DPEP1: variants seen among roughly 807,000 people sequenced by gnomAD.
The protein encoded by DPEP1 is beta-lactamase.
In DPEP1, 50 loss-of-function variants were observed where a neutral mutation model predicts 42.3. The ratio of observed to expected loss-of-function variants is 1.18; its 90% CI spans 0.94 to 1.50. The LOEUF is 1.50. DPEP1 is among the 40% of genes most tolerant of loss of function. The pLI is 0.00. For missense variants in DPEP1, 663 were observed against 553.0 expected (o/e 1.20, Z -1.99); for synonymous variants, 297 against 234.0 (o/e 1.27, Z -2.46).
chr16:89,638,575 G>A (rs1005210779), downstream of DPEP1: 4 of 888,150 alleles, frequency 4.5e-6, no homozygotes, highest in African/African-American at 7.1e-5. Flanking sequence ...TGTGAAAAGG[G>A]CTTTGTAGAG....
In DPEP1 at chr16:89,636,639, G is replaced by T; in HGVS notation, c.477G>T (p.Leu159=). 1 of 1,612,570 alleles carries T rather than the reference G, an allele frequency of 6.2e-7. No homozygotes were observed. The highest frequency in any genetic ancestry group is 2.2e-5 in the East Asian group (1 of 44,868). The stretch of plus-strand genomic sequence containing the variant: ...GCGTCCTGCGGGCACTCTATCAGCT[G>T]GGCATGCGGTACCTGACCCTCACCC... ...SLGVLRALYQ[L]GMRYLTLTHS... Residue 159 remains leucine, a synonymous_variant, in exon 5 of 11, where the codon CTG becomes CTT. Coordinates refer to ENST00000690203, the MANE Select transcript of DPEP1 (RefSeq NM_001389466.1).
At chr16:89,637,731 T>G (rs1015209283) in intron 9 of DPEP1, 24 bp downstream of exon 9, 2 of 1,612,828 alleles carry the variant, frequency 1.2e-6, no homozygotes, top group African/African-American at 2.7e-5. Context: ...AGCTCTGTCC[T>G]GTGGATGAGC....
In DPEP1 at chr16:89,632,561, C is replaced by T. The variant is rs956419929; in HGVS notation, c.104+2047C>T. Reference sequence around the variant, plus strand: ...GAACAGCTGCCTGAGTGTGTGCTTGCCGCTTTTCCAGCACTTTCCAGCACT... The same window carrying T: ...GAACAGCTGCCTGAGTGTGTGCTTGTCGCTTTTCCAGCACTTTCCAGCACT... On this transcript the variant is annotated intron_variant, in intron 2 of 10. Coordinates refer to ENST00000690203, the MANE Select transcript of DPEP1 (RefSeq NM_001389466.1). Among the ~76,000 whole-genome samples, 6 of 152,330 alleles carry T rather than the reference C, an allele frequency of 3.9e-5. No homozygotes were observed. In the East Asian group the frequency reaches 1.2e-3, roughly 29 times the overall value.
In DPEP1 at chr16:89,636,272, C is replaced by T. The variant is rs144509890; in HGVS notation, c.246C>T (p.Ser82=). The T allele has an allele frequency of 3.5e-5, 57 of 1,608,776 alleles. 1 individual carries two copies. The highest frequency in any genetic ancestry group is 1.7e-4 in the Middle Eastern group (1 of 6,020). The change falls in exon 4 of 11, where the codon TCC becomes TCT. Residue 82 remains serine (S), a synonymous_variant. Coordinates refer to ENST00000690203, the MANE Select transcript of DPEP1 (RefSeq NM_001389466.1). ...CCCCCTGCGGCCCACAGTTCTGGTC[C>T]GTGTACACGCCCTGCGACACCCAGA... is the stretch of plus-strand genomic sequence containing the variant. The part of the protein sequence containing the change: ...RAGFVGGQFW[S]VYTPCDTQNK...
chr16:89,616,772 C>T (rs986756071), intron 1 of DPEP1: 2 of 265,520 alleles, frequency 7.5e-6, no homozygotes, highest in Non-Finnish European at 7.4e-6. Flanking sequence ...CAGGAAGCGG[C>T]CAGGAAGCAG....
chr16:89,618,517 C>T (rs1012297334), intron 1 of DPEP1, among the ~76,000 whole-genome samples: 4 of 152,146 alleles, frequency 2.6e-5, no homozygotes, highest in African/African-American at 9.7e-5. Context: ...CAGGTCTGGC[C>T]TACATTATTT....
chr16:89,637,460 T>G lies in DPEP1; in HGVS notation c.769-8T>G. On this transcript the variant is annotated splice_region_variant and splice_polypyrimidine_tract_variant and intron_variant, in intron 7 of 10. Coordinates refer to ENST00000690203, the MANE Select transcript of DPEP1 (RefSeq NM_001389466.1). The stretch of plus-strand genomic sequence containing the variant: ...TCTCAGCTTCACCCTGTCTTCCTTC[T>G]TGTGCAGAAACAGACAGACAGCCTG... 6.2e-7 allele frequency: 1 copy of G among 1,612,840 alleles called. No individual in the cohort carries two copies. The highest frequency in any genetic ancestry group is 8.5e-7 in the Non-Finnish European group (1 of 1,179,972).
At chr16:89,636,077 G>T in intron 3 of DPEP1, 37 bp downstream of exon 3, 2 of 1,582,970 alleles carry the variant, frequency 1.3e-6, no homozygotes, top group Non-Finnish European at 1.7e-6. Context: ...CCCTGTGTGG[G>T]GTCATCCCGT....
downstream of DPEP1, among the ~76,000 whole-genome samples, chr16:89,641,222 G>GA (rs914096920): frequency 4.0e-5 from 1 of 25,188 alleles, no homozygotes; most frequent in African/African-American, 2.2e-4. Context: ...GAGGGCTGCG[G>GA]GGGGGGGTTG....
chr16:89,616,877 A>G, intron 1 of DPEP1: 1 of 242,642 alleles, frequency 4.1e-6, no homozygotes, highest in Non-Finnish European at 8.3e-6. Flanking sequence ...GTGGGCAGGA[A>G]GCGGCCGGGA....
intron 1 of DPEP1, among the ~76,000 whole-genome samples, chr16:89,614,153 C>G (rs2059358589): frequency 6.6e-6 from 1 of 152,012 alleles, no homozygotes; most frequent in South Asian, 2.1e-4. Context: ...GGTGGGAGAG[C>G]TGCTCTCAGA....
intron 1 of DPEP1, among the ~76,000 whole-genome samples, chr16:89,617,732 CACTTTGGGA>C (rs2059395355): frequency 2.0e-5 from 3 of 152,180 alleles, no homozygotes; most frequent in East Asian, 1.9e-4. Context: ...GTAATCCCAG[CACTTTGGGA>C]GGCCGGGCGC....
rs1294262293 is a variant in DPEP1 at position 89,634,796 on chromosome 16, TCCTTTCCCCTTCCTTC to T, written c.105-1095_105-1080del. On this transcript the variant is annotated intron_variant, in intron 2 of 10. Coordinates refer to ENST00000690203, the MANE Select transcript of DPEP1 (RefSeq NM_001389466.1). ...CCTTCCTTCTCCTTTCCCTTCCTTC[TCCTTTCCCCTTCCTTC>T]CCTTTCCCCTTCCTTCTCCTTTCCC... Among the ~76,000 whole-genome samples the T allele has an allele frequency of 4.7e-4, 6 of 12,738 alleles. 1 individual carries two copies. Among genetic ancestry groups the T allele is most frequent in the African/African-American group, 1.0e-3 (5 of 4,798 alleles). 8.4% of individuals were successfully genotyped at this position (12,738 alleles called of 152,430 possible).
At chr16:89,628,173 C>T (rs1399640701) in intron 1 of DPEP1, among the ~76,000 whole-genome samples, 11 of 152,070 alleles carry the variant, frequency 7.2e-5, no homozygotes, top group African/African-American at 1.7e-4. Context: ...CCACCCGCCT[C>T]GGCCTCCCAC....
At chr16:89,623,839 G>A (rs1411643715) in intron 1 of DPEP1, among the ~76,000 whole-genome samples, 1 of 152,152 alleles carries the variant, frequency 6.6e-6, no homozygotes, top group African/African-American at 2.4e-5. Flanking sequence ...ACGGGCGACT[G>A]GAAATTCCCT....
chr16:89,630,971 G>A lies in DPEP1; in HGVS notation c.104+457G>A, dbSNP rs1298520623. Among the ~76,000 whole-genome samples, 15 of 152,180 alleles carry A rather than the reference G, an allele frequency of 9.9e-5. 1 individual carries two copies. In the South Asian group the frequency reaches 2.9e-3, roughly 29 times the overall value. On this transcript the variant is annotated intron_variant, in intron 2 of 10. Transcript: ENST00000690203. ...ACTTCAGCGGATGAAGGTCTGCAGG[G>A]ACTGGGCAGGAAGGAGGCAAGGCCA...
At chr16:89,620,275 G>T (rs114874008) in intron 1 of DPEP1, among the ~76,000 whole-genome samples, 1,892 of 152,164 alleles carry the variant, frequency 0.012, 38 homozygotes, top group African/African-American at 0.044. Flanking sequence ...GGTGGCTGGG[G>T]TCTGCCAGTG....
At chr16:89,622,209 A>G (rs62068712) in intron 1 of DPEP1, among the ~76,000 whole-genome samples, 28,506 of 151,956 alleles carry the variant, frequency 0.19, 2,837 homozygotes, top group South Asian at 0.33. Flanking sequence ...CTAAACATTA[A>G]CTTTCGGGGC....
chr16:89,627,447 G>A (rs1229119637), intron 1 of DPEP1, among the ~76,000 whole-genome samples: 2 of 151,488 alleles, frequency 1.3e-5, no homozygotes. Context: ...TTAGCTGGGT[G>A]TGGTGTGCGC....
Sources: allele counts gnomAD v4.1 joint callset (sites outside exome capture counted in the v4.1 genomes callset), GRCh38; gene constraint gnomAD v4.1.1; transcripts MANE v1.5; gene names NCBI Gene and HGNC (gene_info 2026-07-23, HGNC 2026-07-21).